Variants in RIT2 observed in about 807,000 individuals in gnomAD.
RIT2 encodes the protein Ras like without CAAX 2.
In RIT2, 24 loss-of-function variants were observed where a neutral mutation model predicts 23.7. That is an observed-to-expected ratio of 1.01 (90% CI 0.73 to 1.43). RIT2 has a LOEUF of 1.43. RIT2 is among the 40% of genes most tolerant of loss of function. The pLI, the probability that RIT2 is intolerant of heterozygous loss-of-function variation, is 0.00. For synonymous variants in RIT2, 107 were observed against 91.1 expected, an observed-to-expected ratio of 1.17 and a Z score of -0.99; for missense variants, 236 against 266.9, an observed-to-expected ratio of 0.88 and a Z score of 0.81.
intron 4 of RIT2, among the ~76,000 whole-genome samples, chr18:42,830,300 C>A (rs927496975): frequency 2.0e-5 from 3 of 152,208 alleles, no homozygotes; most frequent in African/African-American, 7.2e-5. Flanking sequence ...CCATCAACAA[C>A]TCAATTTGGT....
intron 4 of RIT2, among the ~76,000 whole-genome samples, chr18:42,902,554 A>T (rs1161819825): frequency 6.6e-6 from 1 of 151,334 alleles, no homozygotes; most frequent in Admixed American, 6.6e-5. Flanking sequence ...AGTATTTCAA[A>T]ATTTTAAAAG....
intron 1 of RIT2, among the ~76,000 whole-genome samples, chr18:43,097,951 A>T (rs1196502253): frequency 6.6e-6 from 1 of 151,996 alleles, no homozygotes; most frequent in Non-Finnish European, 1.5e-5. Context: ...ATTAATCAAT[A>T]AAGGTGGAAG....
At chr18:43,022,542 G>A (rs976176091) in intron 2 of RIT2, among the ~76,000 whole-genome samples, 1 of 152,024 alleles carries the variant, frequency 6.6e-6, no homozygotes, top group African/African-American at 2.4e-5. Flanking sequence ...TTCTCTACAT[G>A]TAACAAGACA....
chr18:42,853,104 G>A (rs1907099255), intron 4 of RIT2, among the ~76,000 whole-genome samples: 1 of 152,116 alleles, frequency 6.6e-6, no homozygotes, highest in African/African-American at 2.4e-5. Context: ...AAAGTGCTGG[G>A]ATTACAGGCA....
chr18:43,078,618 T>A (rs1287121852), intron 1 of RIT2, among the ~76,000 whole-genome samples: 4 of 152,142 alleles, frequency 2.6e-5, no homozygotes, highest in Non-Finnish European at 5.9e-5. Context: ...ATAGTTTACA[T>A]TCCTCCTGGA....
chr18:42,970,032 T>C (rs991466065), intron 3 of RIT2, among the ~76,000 whole-genome samples: 2 of 152,184 alleles, frequency 1.3e-5, no homozygotes, highest in East Asian at 3.9e-4. Flanking sequence ...CACACTAAGT[T>C]ATTCCATAAA....
intron 2 of RIT2, among the ~76,000 whole-genome samples, chr18:43,018,303 G>A (rs1341089797): frequency 6.6e-6 from 1 of 151,992 alleles, no homozygotes; most frequent in African/African-American, 2.4e-5. Context: ...CTTACTTGCA[G>A]AGGTGTCTTC....
chr18:43,052,589 A>T (rs570072121), intron 1 of RIT2, among the ~76,000 whole-genome samples: 1 of 152,098 alleles, frequency 6.6e-6, no homozygotes, highest in Non-Finnish European at 1.5e-5. Context: ...TGAACGAAAA[A>T]GTCCAGGGGC....
chr18:43,041,001 C>G (rs975111044), intron 1 of RIT2, among the ~76,000 whole-genome samples: 3 of 151,774 alleles, frequency 2.0e-5, no homozygotes, highest in Non-Finnish European at 4.4e-5. Context: ...GGTGTAAAAC[C>G]TACATGCTAG....
chr18:42,946,487 C>G (rs116905222), intron 3 of RIT2, among the ~76,000 whole-genome samples: 2,185 of 152,128 alleles, frequency 0.014, 20 homozygotes, highest in South Asian at 0.022. Context: ...AACTACTATA[C>G]AGGTATATTT....
intron 3 of RIT2, among the ~76,000 whole-genome samples, chr18:42,972,505 A>C (rs186583744): frequency 1.1e-3 from 174 of 152,020 alleles, no homozygotes; most frequent in African/African-American, 4.0e-3. Flanking sequence ...AAAGGGAAAT[A>C]ATATGATGAA....
intron 4 of RIT2, among the ~76,000 whole-genome samples, chr18:42,809,263 T>A (rs915627069): frequency 3.9e-5 from 6 of 152,094 alleles, no homozygotes; most frequent in African/African-American, 1.4e-4. Flanking sequence ...GGGGCACGGT[T>A]AAAAGACTTG....
chr18:42,770,611 A>T (rs1173281726), intron 4 of RIT2, among the ~76,000 whole-genome samples: 1 of 152,218 alleles, frequency 6.6e-6, no homozygotes. Context: ...GACTGAAAAC[A>T]AAAAGGACAC....
chr18:42,801,125 T>C (rs894264153), intron 4 of RIT2, among the ~76,000 whole-genome samples: 7 of 152,132 alleles, frequency 4.6e-5, no homozygotes, highest in Non-Finnish European at 8.8e-5. Flanking sequence ...TTGATAATGA[T>C]GAAGTGGTGA....
intron 1 of RIT2, among the ~76,000 whole-genome samples, chr18:43,105,843 T>A (rs1175144754): frequency 1.3e-5 from 2 of 152,200 alleles, no homozygotes; most frequent in East Asian, 3.9e-4. Context: ...AAGACAAATA[T>A]GGATTTCCTG....
At chr18:42,828,124 A>G (rs1386750506) in intron 4 of RIT2, among the ~76,000 whole-genome samples, 1 of 152,162 alleles carries the variant, frequency 6.6e-6, no homozygotes, top group African/African-American at 2.4e-5. Context: ...AGTGCTGACA[A>G]GGATATGCAT....
intron 1 of RIT2, among the ~76,000 whole-genome samples, chr18:43,096,883 C>G (rs961591601): frequency 6.6e-6 from 1 of 151,718 alleles, no homozygotes; most frequent in Non-Finnish European, 1.5e-5. Context: ...ATTTTGAGTT[C>G]TTTGGGAAAG....
At chr18:43,051,274 G>A (rs917957688) in intron 1 of RIT2, among the ~76,000 whole-genome samples, 3 of 152,090 alleles carry the variant, frequency 2.0e-5, no homozygotes, top group Non-Finnish European at 4.4e-5. Flanking sequence ...CATCAAAGTA[G>A]AGAAAAAATT....
intron 2 of RIT2, among the ~76,000 whole-genome samples, chr18:42,975,952 C>T (rs1404600093): frequency 1.3e-5 from 2 of 152,032 alleles, no homozygotes; most frequent in African/African-American, 2.4e-5. Flanking sequence ...TGCTATATCC[C>T]ATCAGTTTTA....
Sources: gnomAD v4.1 joint callset for allele counts (sites outside exome capture counted in the v4.1 genomes callset) on GRCh38, gnomAD v4.1.1 for gene constraint, MANE v1.5 for transcripts, NCBI Gene and HGNC (gene_info 2026-07-23, HGNC 2026-07-21) for gene names.